ARID5B: variants seen among roughly 807,000 people sequenced by gnomAD.
The protein encoded by ARID5B is AT-rich interactive domain-containing protein 5B.
Under a neutral mutation model 97.2 loss-of-function variants are expected in ARID5B, and 13 were observed. The observed-to-expected ratio is 0.13, with a 90% CI of 0.09 to 0.21. The LOEUF (loss-of-function observed/expected upper bound fraction) is 0.21, where lower values mean the gene tolerates loss of function less well. Among genes scored for constraint, ARID5B ranks in the 10% least tolerant of loss-of-function variants. The pLI is 1.00. For synonymous variants in ARID5B, 556 were observed against 570.3 expected, an observed-to-expected ratio of 0.97 and a Z score of 0.36; for missense variants, 1,210 against 1,465.3, an observed-to-expected ratio of 0.83 and a Z score of 2.84.
Position 62,092,756 on chromosome 10 carries a change from G to T in ARID5B, c.3293G>T (p.Gly1098Val). Residue 1098 changes from glycine (G) to valine (V), a missense_variant, in exon 10 of 10, where the codon GGG (glycine) becomes GTG (valine). Physicochemically the swap from Gly to Val is moderately radical, Grantham distance 109. Around this residue, in one of 8 missense-constraint regions of ARID5B, gnomAD observed 800 missense variants for 839.1 expected, o/e 0.95. Coordinates refer to ENST00000279873, the MANE Select transcript of ARID5B (RefSeq NM_032199.3). ...NSGLNSRLPA[G>V]YSHSLQYLKN... is the part of the protein sequence containing the mutation. ...GGCCTCAACTCCAGGCTCCCGGCTG[G>T]GTATTCTCATTCTCTGCAGTACTTG... The T allele has an allele frequency of 6.2e-7, 1 of 1,614,124 alleles. No homozygotes were observed. The highest frequency in any genetic ancestry group is 8.5e-7 in the Non-Finnish European group (1 of 1,180,018).
chr10:61,945,080 G>T (rs1844478200), intron 3 of ARID5B, among the ~76,000 whole-genome samples: 1 of 152,176 alleles, frequency 6.6e-6, no homozygotes. Flanking sequence ...TAAAAGAGCA[G>T]AGGGTGGGCT....
chr10:62,051,851 C>G (rs1418058757), intron 5 of ARID5B, among the ~76,000 whole-genome samples: 1 of 152,008 alleles, frequency 6.6e-6, no homozygotes, highest in Non-Finnish European at 1.5e-5. Context: ...ACACCAGTTT[C>G]CAGATCAAAT....
chr10:61,943,250 C>T (rs1844443301), intron 3 of ARID5B, among the ~76,000 whole-genome samples: 1 of 152,158 alleles, frequency 6.6e-6, no homozygotes, highest in Admixed American at 6.5e-5. Context: ...ACAACTTTCT[C>T]TTCAGCCTCT....
intron 5 of ARID5B, among the ~76,000 whole-genome samples, chr10:62,055,598 TC>T (rs1839845588): frequency 6.6e-6 from 1 of 152,216 alleles, no homozygotes; most frequent in African/African-American, 2.4e-5. Flanking sequence ...ACATAAAGTT[TC>T]ACGGGATGTT....
At position 61,944,653 on chromosome 10, in the gene ARID5B, T is replaced by C. The variant is rs187052982; in HGVS notation, c.502+4245T>C. Among the ~76,000 whole-genome samples, 426 of 152,370 alleles carry C rather than the reference T, an allele frequency of 2.8e-3. 2 individuals carry two copies. The highest frequency in any genetic ancestry group is 0.02 in the Middle Eastern group (6 of 294). ...GACTACATTTATATGCTTTGGATTG[T>C]TGTTTAAGCCAAGAAAATATGTCTC... On this transcript the variant is annotated intron_variant, in intron 3 of 9. Coordinates refer to ENST00000279873, the MANE Select transcript of ARID5B (RefSeq NM_032199.3).
chr10:62,091,055 A>G lies in ARID5B; in HGVS notation c.1592A>G (p.Glu531Gly). The part of the protein sequence containing the change: ...DQGSNSEKVA[E>G]EAGEKGPTPP... ...GGTTCCAACAGTGAGAAGGTGGCAG[A>G]GGAGGCGGGAGAGAAGGGGCCCACA... is the stretch of plus-strand genomic sequence containing the variant. Residue 531 changes from glutamate to glycine, a missense_variant, in exon 10 of 10, where the codon GAG becomes GGG. Coordinates refer to ENST00000279873, the MANE Select transcript of ARID5B (RefSeq NM_032199.3). 1.2e-6 allele frequency: 2 copies of G among 1,614,000 alleles called. No homozygotes were observed. The highest frequency in any genetic ancestry group is 1.7e-6 in the Non-Finnish European group (2 of 1,180,006).
chr10:62,088,478 A>G (rs1179608183), intron 9 of ARID5B, among the ~76,000 whole-genome samples: 1 of 152,236 alleles, frequency 6.6e-6, no homozygotes, highest in Non-Finnish European at 1.5e-5. Flanking sequence ...GATGATGACC[A>G]TGCCCAAGAG....
chr10:61,988,936 C>T (rs959360972), intron 3 of ARID5B, among the ~76,000 whole-genome samples: 7 of 122,244 alleles, frequency 5.7e-5, no homozygotes, highest in Non-Finnish European at 8.1e-5. Flanking sequence ...TTTTCTTTTA[C>T]TTTTTTTTTT....
intron 3 of ARID5B, among the ~76,000 whole-genome samples, chr10:61,991,237 G>A (rs1326752311): frequency 1.3e-5 from 2 of 152,030 alleles, no homozygotes; most frequent in African/African-American, 2.4e-5. Flanking sequence ...TTATCACATG[G>A]CAATTCTGTA....
chr10:62,007,787 G>T (rs773404033), intron 4 of ARID5B, among the ~76,000 whole-genome samples: 3 of 152,078 alleles, frequency 2.0e-5, no homozygotes, highest in Non-Finnish European at 4.4e-5. Context: ...GCTTATTCCA[G>T]AAATACTTGT....
In ARID5B at chr10:62,007,369, T is replaced by C. The variant is rs530486185; in HGVS notation, c.733+7048T>C. ...TCATTCATTCATTCATTCATTCATTTAACCAGGGTTTATTCCACAGCTATT... is the reference window on the plus strand; with the variant it reads ...TCATTCATTCATTCATTCATTCATTCAACCAGGGTTTATTCCACAGCTATT... On this transcript the variant is annotated intron_variant, in intron 4 of 9. Coordinates refer to ENST00000279873, the MANE Select transcript of ARID5B (RefSeq NM_032199.3). Among the ~76,000 whole-genome samples, 11 of 152,268 alleles carry C rather than the reference T, an allele frequency of 7.2e-5. No individual in the cohort carries two copies. In the East Asian group the frequency reaches 1.7e-3, roughly 24 times the overall value.
In ARID5B at chr10:61,989,232, A is replaced by G. The variant is rs565407837; in HGVS notation, c.503-10859A>G. On this transcript the variant is annotated intron_variant, in intron 3 of 9. Transcript: ENST00000279873. The stretch of plus-strand genomic sequence containing the variant: ...GCGTGAGCCACCGTGTGCGGCCAGT[A>G]ATCACTTCTATTGATCACATGTTAA... 4.1e-4 allele frequency among the ~76,000 whole-genome samples: 62 copies of G among 152,254 alleles called. No individual in the cohort carries two copies. In the South Asian group the frequency reaches 4.6e-3, roughly 11 times the overall value.
rs551705063 is a variant in ARID5B at position 61,970,101 on chromosome 10, A to C, written c.502+29693A>C. Among the ~76,000 whole-genome samples the C allele has an allele frequency of 4.6e-5, 7 of 152,362 alleles. No homozygotes were observed. In the South Asian group the frequency reaches 1.2e-3, roughly 27 times the overall value. On this transcript the variant is annotated intron_variant, in intron 3 of 9. Transcript: ENST00000279873. Reference sequence around the variant, plus strand: ...TCAATATATTCTGCCTTGATTAGCCATATTGAAATACTTGAAAACATAACC... The same window carrying C: ...TCAATATATTCTGCCTTGATTAGCCCTATTGAAATACTTGAAAACATAACC...
At chr10:62,004,729 A>G (rs1314658950) in intron 4 of ARID5B, among the ~76,000 whole-genome samples, 1 of 152,244 alleles carries the variant, frequency 6.6e-6, no homozygotes, top group Non-Finnish European at 1.5e-5. Flanking sequence ...TGTTGTTAGA[A>G]CAATAAAATG....
chr10:62,015,856 C>T (rs1367934460), intron 4 of ARID5B, among the ~76,000 whole-genome samples: 1 of 152,182 alleles, frequency 6.6e-6, no homozygotes, highest in Non-Finnish European at 1.5e-5. Flanking sequence ...ACTCCGACCT[C>T]AGGTGATCCG....
intron 3 of ARID5B, among the ~76,000 whole-genome samples, chr10:61,945,975 T>C (rs929391254): frequency 2.0e-5 from 3 of 148,684 alleles, no homozygotes; most frequent in Non-Finnish European, 3.0e-5. Flanking sequence ...TATATATAAA[T>C]ACATATTATA....
At chr10:61,967,496 A>G (rs1838562331) in intron 3 of ARID5B, among the ~76,000 whole-genome samples, 3 of 152,362 alleles carry the variant, frequency 2.0e-5, no homozygotes, top group African/African-American at 7.2e-5. Flanking sequence ...ATGAGACAAC[A>G]CATCGAACCT....
At chr10:62,076,883 T>C (rs1448816817) in intron 8 of ARID5B, among the ~76,000 whole-genome samples, 1 of 152,154 alleles carries the variant, frequency 6.6e-6, no homozygotes, top group Admixed American at 6.5e-5. Flanking sequence ...TTCCCAACAC[T>C]GTCTTTCTCA....
chr10:61,966,339 C>T (rs1838545134), intron 3 of ARID5B, among the ~76,000 whole-genome samples: 1 of 152,026 alleles, frequency 6.6e-6, no homozygotes, highest in Non-Finnish European at 1.5e-5. Context: ...CAGCTCTGGC[C>T]CTCCTCCCCC....
Sources: allele counts gnomAD v4.1 joint callset (sites outside exome capture counted in the v4.1 genomes callset), GRCh38; gene constraint gnomAD v4.1.1; regional missense constraint gnomAD v4.1.1; transcripts MANE v1.5; gene names NCBI Gene and HGNC (gene_info 2026-07-23, HGNC 2026-07-21).